The following RAPGEF6 variants were observed in gnomAD, a reference collection of about 807,000 sequenced individuals.
RAPGEF6 encodes the protein PDZ domain containing guanine nucleotide exchange factor (GEF) 2.
Under a neutral mutation model 171.4 loss-of-function variants are expected in RAPGEF6, and 56 were observed. That is an observed-to-expected ratio of 0.33 (90% confidence interval 0.26 to 0.41). The LOEUF is 0.41. Ranked by LOEUF, RAPGEF6 falls within the 10% of genes least tolerant of loss-of-function variation. The probability of loss-of-function intolerance (pLI) is 1.00; values close to 1 mark genes in which losing one functional copy is unlikely to be tolerated. For synonymous variants in RAPGEF6, 692 were observed against 650.1 expected (o/e 1.06, Z -0.98); for missense variants, 1,674 against 1,921.4 (o/e 0.87, Z 2.41).
At chr5:131,556,069 T>A (rs1325647556) in intron 5 of RAPGEF6, among the ~76,000 whole-genome samples, 1 of 152,168 alleles carries the variant, frequency 6.6e-6, no homozygotes, top group East Asian at 1.9e-4. Context: ...AATACAGTAT[T>A]ATAATTTTAT....
chr5:131,432,384 C>T (rs1036400950), intron 25 of RAPGEF6, among the ~76,000 whole-genome samples: 42 of 151,986 alleles, frequency 2.8e-4, no homozygotes, highest in Non-Finnish European at 4.3e-4. Flanking sequence ...TTTGGGAGGC[C>T]GAGGCGGGCG....
At position 131,461,917 on chromosome 5, in the gene RAPGEF6, G is replaced by A; in HGVS notation, c.2652C>T (p.Tyr884=). 6.2e-7 allele frequency: 1 copy of A among 1,614,088 alleles called. No homozygotes were observed. The highest frequency in any genetic ancestry group is 8.5e-7 in the Non-Finnish European group (1 of 1,179,990). The change falls in exon 19 of 28, where the codon TAC becomes TAT. Residue 884 remains tyrosine, a synonymous_variant. Transcript: ENST00000509018. ...AATTTAACTTAAAAAGGTCATCGATGTACTCAGTCGGTTCAATATTACGAA... is the reference window on the plus strand; with the variant it reads ...AATTTAACTTAAAAAGGTCATCGATATACTCAGTCGGTTCAATATTACGAA... ...DLFRNIEPTE[Y]IDDLFKLNSK... is the part of the protein sequence containing the mutation.
chr5:131,567,552 T>G (rs1402182033), intron 4 of RAPGEF6, among the ~76,000 whole-genome samples: 1 of 152,214 alleles, frequency 6.6e-6, no homozygotes, highest in African/African-American at 2.4e-5. Flanking sequence ...AGTTCTCCTA[T>G]TTCTTTCTGA....
At chr5:131,482,445 G>C (rs994140554) in intron 15 of RAPGEF6, among the ~76,000 whole-genome samples, 7 of 152,146 alleles carry the variant, frequency 4.6e-5, no homozygotes, top group Non-Finnish European at 1.0e-4. Flanking sequence ...TGGGATGACA[G>C]GCATGTGCTA....
chr5:131,446,457 T>C, intron 22 of RAPGEF6, 26 bp downstream of exon 22: 1 of 1,580,698 alleles, frequency 6.3e-7, no homozygotes, highest in Non-Finnish European at 8.6e-7. Context: ...CTCTTTAGCG[T>C]CACATAAATG....
chr5:131,602,336 T>C (rs1228676853), intron 3 of RAPGEF6, among the ~76,000 whole-genome samples: 2 of 152,214 alleles, frequency 1.3e-5, no homozygotes, highest in African/African-American at 2.4e-5. Flanking sequence ...CAATAGTCCA[T>C]CACTGACTGA....
chr5:131,568,973 A>G (rs1299943609), intron 4 of RAPGEF6, among the ~76,000 whole-genome samples: 1 of 152,226 alleles, frequency 6.6e-6, no homozygotes, highest in African/African-American at 2.4e-5. Flanking sequence ...TTAAGATACA[A>G]TTCCATTCAT....
chr5:131,585,329 C>T (rs957431589), intron 4 of RAPGEF6, among the ~76,000 whole-genome samples: 1 of 148,896 alleles, frequency 6.7e-6, no homozygotes, highest in South Asian at 2.1e-4. Flanking sequence ...TACATACATA[C>T]ATACATATAT....
At chr5:131,616,406 G>C (rs192043091) in intron 1 of RAPGEF6, among the ~76,000 whole-genome samples, 1 of 152,186 alleles carries the variant, frequency 6.6e-6, no homozygotes, top group Admixed American at 6.5e-5. Flanking sequence ...AATTAAGCAG[G>C]TTGGAATTTT....
chr5:131,501,336 CAA>C (rs1439021234), intron 11 of RAPGEF6, among the ~76,000 whole-genome samples: 18 of 83,758 alleles, frequency 2.1e-4, no homozygotes, highest in Non-Finnish European at 1.6e-4. Context: ...ACTTTGTCTC[CAA>C]AAAAAAAAAA....
At chr5:131,578,520 T>C (rs1762735914) in intron 4 of RAPGEF6, among the ~76,000 whole-genome samples, 1 of 152,292 alleles carries the variant, frequency 6.6e-6, no homozygotes, top group Admixed American at 6.5e-5. Flanking sequence ...ACCAACAAGC[T>C]GCCACACTAC....
intron 21 of RAPGEF6, among the ~76,000 whole-genome samples, chr5:131,447,870 T>C (rs1201461466): frequency 6.6e-6 from 1 of 152,198 alleles, no homozygotes. Flanking sequence ...CAATTGCTAT[T>C]GGCCAGGCAG....
chr5:131,478,542 C>T (rs529591750), intron 16 of RAPGEF6, among the ~76,000 whole-genome samples: 1 of 152,336 alleles, frequency 6.6e-6, no homozygotes, highest in Admixed American at 6.5e-5. Flanking sequence ...TACAGAAACA[C>T]AATCTATTCA....
At chr5:131,569,979 T>C (rs1159748868) in intron 4 of RAPGEF6, among the ~76,000 whole-genome samples, 1 of 139,830 alleles carries the variant, frequency 7.2e-6, no homozygotes, top group East Asian at 2.1e-4. Flanking sequence ...GAGGCAGAGG[T>C]TGCAGTGAGC....
chr5:131,614,093 T>C (rs1580678993), intron 1 of RAPGEF6, among the ~76,000 whole-genome samples: 1 of 151,704 alleles, frequency 6.6e-6, no homozygotes, highest in African/African-American at 2.4e-5. Context: ...ATCAGCCTGG[T>C]CAACATGGTG....
At chr5:131,433,919 A>C (rs1751867437) in intron 24 of RAPGEF6, among the ~76,000 whole-genome samples, 1 of 152,214 alleles carries the variant, frequency 6.6e-6, no homozygotes, top group East Asian at 1.9e-4. Context: ...GTTACTCAGA[A>C]AACTAGTTTA....
chr5:131,616,040 G>T lies in RAPGEF6; in HGVS notation c.70-11347C>A, dbSNP rs144951589. On this transcript the variant is annotated intron_variant, in intron 1 of 27. Coordinates refer to ENST00000509018, the MANE Select transcript of RAPGEF6 (RefSeq NM_016340.6). Reference sequence around the variant, plus strand: ...AAAATACTGCAGAAATTGTCCAGGGGTATTAGAAAAACAAGTACCAGCTCA... The same window carrying T: ...AAAATACTGCAGAAATTGTCCAGGGTTATTAGAAAAACAAGTACCAGCTCA... Among the ~76,000 whole-genome samples, 489 of 152,182 alleles carry T rather than the reference G, an allele frequency of 3.2e-3. 3 individuals carry two copies. The highest frequency in any genetic ancestry group is 0.011 in the African/African-American group (465 of 41,512).
rs574434032 is a variant in RAPGEF6, at chr5:131,616,485, TCTC to T, written c.70-11795_70-11793del. Among the ~76,000 whole-genome samples the T allele has an allele frequency of 3.0e-3, 455 of 152,260 alleles. 7 individuals carry two copies. Among genetic ancestry groups the T allele is most frequent in the Non-Finnish European group, 3.4e-3 (232 of 68,006 alleles). ...GCTCTCGGAAACTCCATTTCCCAAT[TCTC>T]CTCACTGTCCTTCTACAGGTGTTTA... On this transcript the variant is annotated intron_variant, in intron 1 of 27. Coordinates refer to ENST00000509018, the MANE Select transcript of RAPGEF6 (RefSeq NM_016340.6).
intron 3 of RAPGEF6, among the ~76,000 whole-genome samples, chr5:131,596,490 A>T (rs1763912940): frequency 2.0e-5 from 3 of 152,148 alleles, no homozygotes; most frequent in Non-Finnish European, 4.4e-5. Flanking sequence ...ATAGAGTAAT[A>T]GCAGGGAATG....
Sources: gnomAD v4.1 joint callset for allele counts (sites outside exome capture counted in the v4.1 genomes callset) on GRCh38, gnomAD v4.1.1 for gene constraint, MANE v1.5 for transcripts, NCBI Gene and HGNC (gene_info 2026-07-23, HGNC 2026-07-21) for gene names.